DUOX2: variants seen among roughly 807,000 people sequenced by gnomAD.
DUOX2 encodes NADH/NADPH thyroid oxidase p138-tox.
DUOX2 carries 185 observed loss-of-function variants against 183.3 expected under a neutral mutation model. That is an observed-to-expected ratio of 1.01 (90% CI 0.90 to 1.14). The LOEUF (loss-of-function observed/expected upper bound fraction) is 1.14, where lower values mean the gene tolerates loss of function less well. Ranked by LOEUF, DUOX2 falls within the 50% of genes most tolerant of loss-of-function variation. The probability of loss-of-function intolerance (pLI) is 0.00; values close to 1 mark genes in which losing one functional copy is unlikely to be tolerated. For synonymous variants in DUOX2, 788 were observed against 812.4 expected (o/e 0.97, Z 0.51); for missense variants, 1,999 against 2,022.9 (o/e 0.99, Z 0.23).
intron 22 of DUOX2, 73 bp downstream of exon 22, chr15:45,101,132 C>T: frequency 3.6e-6 from 5 of 1,378,946 alleles, no homozygotes; most frequent in South Asian, 1.2e-5. Context: ...GGCTGATCAG[C>T]CAGTCCTACT....
chr15:45,095,121 C>G (rs1207910781), intron 31 of DUOX2, 30 bp from the exon 32 acceptor site: 2 of 1,604,798 alleles, frequency 1.2e-6, no homozygotes, highest in Non-Finnish European at 1.7e-6. Flanking sequence ...GATCAGGACC[C>G]AGCTCAGTTC....
rs1367970118 is a variant in DUOX2, at chr15:45,100,747, ACACT to A, written c.3005+4_3005+7del. 6.2e-7 allele frequency: 1 copy of A among 1,613,684 alleles called. No homozygotes were observed. Among genetic ancestry groups the A allele is most frequent in the Non-Finnish European group, 8.5e-7 (1 of 1,179,620 alleles). ...CTCTTTGGGCCCAGGGATTTGGGAG[ACACT>A]CACTTTTTGCCAAACCTCTTCTTCA... On this transcript the variant is annotated splice_donor_5th_base_variant and intron_variant, in intron 23 of 33. Coordinates refer to ENST00000389039, the MANE Select transcript of DUOX2 (RefSeq NM_001363711.2).
At chr15:45,110,216 C>A (rs1163572088) in intron 9 of DUOX2, among the ~76,000 whole-genome samples, 1 of 152,136 alleles carries the variant, frequency 6.6e-6, no homozygotes, top group East Asian at 1.9e-4. Context: ...AAATCCTACA[C>A]CCAGCCACCA....
At position 45,112,058 on chromosome 15, in the gene DUOX2, C is replaced by T. The variant is rs1487645389; in HGVS notation, c.326-103G>A. ...CCTCAGGAGCCAAAAGACAGAGGTCCCAGTGCCAGCTCCGCCACCAGCTCT... is the reference window on the plus strand; with the variant it reads ...CCTCAGGAGCCAAAAGACAGAGGTCTCAGTGCCAGCTCCGCCACCAGCTCT... On this transcript the variant is annotated intron_variant, in intron 4 of 33. Coordinates refer to ENST00000389039, the MANE Select transcript of DUOX2 (RefSeq NM_001363711.2). 2.1e-6 allele frequency: 3 copies of T among 1,405,230 alleles called. No individual in the cohort carries two copies. The East Asian group carries it at 7.5e-5, about 35-fold the overall frequency. The allele number at this position is 1,405,230 out of a possible 1,614,324, so 87.0% of individuals were successfully genotyped here.
chr15:45,107,601 TG>T (rs1566976291), intron 13 of DUOX2, 138 bp from the exon 14 acceptor site: 3 of 945,582 alleles, frequency 3.2e-6, no homozygotes, highest in Middle Eastern at 3.2e-4. Context: ...CCCAACACTT[TG>T]GGAGGCCAAG....
intron 21 of DUOX2, 156 bp downstream of exon 21, chr15:45,101,637 G>C: frequency 1.1e-6 from 1 of 925,274 alleles, no homozygotes; most frequent in Admixed American, 2.1e-5. Context: ...TAGGCAACTT[G>C]CACACCTACA....
At chr15:45,108,015 C>G in intron 13 of DUOX2, 32 bp downstream of exon 13, 1 of 1,613,440 alleles carries the variant, frequency 6.2e-7, no homozygotes. Context: ...GGCTGAGGAG[C>G]AGTCTGAGGT....
At chr15:45,099,113 C>T (rs1893984792) in intron 26 of DUOX2, 1 of 383,726 alleles carries the variant, frequency 2.6e-6, no homozygotes, top group African/African-American at 2.1e-5. Context: ...TGGGTTCATG[C>T]CATTCTCCTG....
At chr15:45,108,653 G>A in intron 12 of DUOX2, 136 bp downstream of exon 12, 2 of 1,038,364 alleles carry the variant, frequency 1.9e-6, no homozygotes, top group Non-Finnish European at 2.9e-6. Flanking sequence ...TATGTCATCA[G>A]TAAAATGGGG....
At chr15:45,112,515 C>A (rs748099359) in intron 4 of DUOX2, 39 bp downstream of exon 4, 2 of 1,605,470 alleles carry the variant, frequency 1.2e-6, no homozygotes, top group Non-Finnish European at 8.5e-7. Flanking sequence ...CTGAGCAGAG[C>A]GCCAGATCAA....
intron 4 of DUOX2, among the ~76,000 whole-genome samples, chr15:45,112,157 T>C (rs1170501840): frequency 1.3e-5 from 2 of 152,200 alleles, no homozygotes; most frequent in Admixed American, 1.3e-4. Flanking sequence ...TCCTACTCAA[T>C]TCATAAAGCT....
At chr15:45,102,930 C>T (rs913298435) in intron 20 of DUOX2, among the ~76,000 whole-genome samples, 2 of 152,172 alleles carry the variant, frequency 1.3e-5, no homozygotes, top group Admixed American at 6.5e-5. Context: ...TGCAGTGAGC[C>T]GAGATCGTGG....
chr15:45,094,967 G>A lies in DUOX2; in HGVS notation c.4364C>T (p.Ala1455Val), dbSNP rs1893862119. ...VSVHIYVTQL[A>V]EKFDLRTTML... ...GGTGGTCCTGAGGTCGAACTTCTCA[G>A]CCAGCTGGGTGACATAAATGTGCAC... The change falls in exon 32 of 34, where the codon GCT becomes GTT. Residue 1455 changes from alanine (A) to valine (V), a missense_variant. This residue lies in a region of DUOX2 where 1,628 missense variants were observed against 1,608.6 expected (regional missense o/e 1.01). Coordinates refer to ENST00000389039, the MANE Select transcript of DUOX2 (RefSeq NM_001363711.2). The A allele has an allele frequency of 1.9e-6, 3 of 1,614,118 alleles. No homozygotes were observed. The highest frequency in any genetic ancestry group is 2.5e-6 in the Non-Finnish European group (3 of 1,179,996).
chr15:45,099,460 T>G lies in DUOX2; in HGVS notation c.3438A>C (p.Ala1146=), dbSNP rs377720106. The change falls in exon 26 of 34, where the codon GCA becomes GCC. Residue 1146 remains alanine (A), a synonymous_variant. Coordinates refer to ENST00000389039, the MANE Select transcript of DUOX2 (RefSeq NM_001363711.2). ...TGACTGAGAAGATGTAGACATTGAC[T>G]GCGTGGCCAGCACTGTGCAAAACTG... is the stretch of plus-strand genomic sequence containing the variant. ...VLAILHSAGH[A]VNVYIFSVSP... The G allele has an allele frequency of 6.2e-7, 1 of 1,614,042 alleles. No homozygotes were observed. Among genetic ancestry groups the G allele is most frequent in the East Asian group, 2.2e-5 (1 of 44,874 alleles).
intron 4 of DUOX2, 66 bp from the exon 5 acceptor site, chr15:45,112,021 G>A (rs757149728): frequency 5.1e-6 from 8 of 1,571,398 alleles, no homozygotes; most frequent in Non-Finnish European, 6.9e-6. Flanking sequence ...GGCCAGGGCG[G>A]CCTCCAAGTG....
intron 9 of DUOX2, 134 bp downstream of exon 9, chr15:45,110,294 G>T: frequency 1.2e-6 from 1 of 847,182 alleles, no homozygotes; most frequent in Non-Finnish European, 1.8e-6. Flanking sequence ...CCAGGGTTCT[G>T]TTTCAGGGCC....
At chr15:45,098,381 G>C (rs1595520512) in intron 26 of DUOX2, among the ~76,000 whole-genome samples, 1 of 152,182 alleles carries the variant, frequency 6.6e-6, no homozygotes, top group Non-Finnish European at 1.5e-5. Context: ...CCTAGGCTTA[G>C]AACAATACAA....
intron 26 of DUOX2, chr15:45,099,122 T>C: frequency 1.0e-5 from 4 of 389,016 alleles, no homozygotes; most frequent in South Asian, 8.6e-5. Flanking sequence ...GCCATTCTCC[T>C]GCCTCAGCCT....
rs762912738 is a variant in DUOX2, at chr15:45,094,127, A to C, written c.*23T>G. The C allele has an allele frequency of 1.2e-6, 2 of 1,614,048 alleles. No individual in the cohort carries two copies. The highest frequency in any genetic ancestry group is 3.3e-5 in the Admixed American group (2 of 60,008). ...ACAGAAGAGAAGGCAGGATACTGGA[A>C]GCAGCAGCCAGGGAGGACAGGCTCA... On this transcript the variant is annotated 3_prime_UTR_variant, in exon 34 of 34. Coordinates refer to ENST00000389039, the MANE Select transcript of DUOX2 (RefSeq NM_001363711.2).
Sources: gnomAD v4.1 joint callset for allele counts (sites outside exome capture counted in the v4.1 genomes callset) on GRCh38, gnomAD v4.1.1 for gene constraint, gnomAD v4.1.1 regional missense constraint, MANE v1.5 for transcripts, NCBI Gene and HGNC (gene_info 2026-07-23, HGNC 2026-07-21) for gene names.